Variants in RFX3 observed in about 807,000 individuals in gnomAD.
The protein encoded by RFX3 is regulatory factor X3.
Under a neutral mutation model 98.6 loss-of-function variants are expected in RFX3, and 14 were observed. The observed-to-expected ratio is 0.14, with a 90% CI of 0.09 to 0.22. The LOEUF is 0.22. Ranked by LOEUF, RFX3 falls within the 10% of genes least tolerant of loss-of-function variation. The pLI, the probability that RFX3 is intolerant of heterozygous loss-of-function variation, is 1.00. For synonymous variants in RFX3, 383 were observed against 328.4 expected (o/e 1.17, Z -1.80); for missense variants, 639 against 926.9 (o/e 0.69, Z 4.03).
At chr9:3,277,504 C>G in intron 7 of RFX3, 43 bp from the exon 8 acceptor site, 3 of 1,582,610 alleles carry the variant, frequency 1.9e-6, no homozygotes, top group Non-Finnish European at 2.6e-6. Flanking sequence ...CCAAATTATT[C>G]CTTGCTTTTT....
At chr9:3,504,957 T>A (rs1487270309) in intron 1 of RFX3, among the ~76,000 whole-genome samples, 6 of 58,992 alleles carry the variant, frequency 1.0e-4, no homozygotes, top group African/African-American at 5.0e-4. Context: ...ATAATATATA[T>A]TATATATAAT....
chr9:3,492,334 G>T (rs1481932510), intron 1 of RFX3, among the ~76,000 whole-genome samples: 1 of 152,148 alleles, frequency 6.6e-6, no homozygotes, highest in East Asian at 1.9e-4. Flanking sequence ...CATGTCAGAT[G>T]TCCCTTCCAG....
At chr9:3,278,912 G>T (rs1285189961) in intron 7 of RFX3, among the ~76,000 whole-genome samples, 1 of 151,760 alleles carries the variant, frequency 6.6e-6, no homozygotes, top group East Asian at 1.9e-4. Context: ...CAAAAAAATT[G>T]ATTGCTGTTT....
intron 1 of RFX3, among the ~76,000 whole-genome samples, chr9:3,490,836 C>A (rs1221001378): frequency 6.6e-6 from 1 of 151,932 alleles, no homozygotes; most frequent in East Asian, 1.9e-4. Flanking sequence ...AAAGAAAGAT[C>A]TTTTGTTCAA....
chr9:3,500,339 G>A (rs780375836), intron 1 of RFX3, among the ~76,000 whole-genome samples: 3 of 152,156 alleles, frequency 2.0e-5, no homozygotes, highest in Non-Finnish European at 2.9e-5. Context: ...GTGTTAGAAA[G>A]AGAACTGAAA....
At chr9:3,298,083 A>T (rs1351182209) in intron 5 of RFX3, among the ~76,000 whole-genome samples, 1 of 151,842 alleles carries the variant, frequency 6.6e-6, no homozygotes, top group African/African-American at 2.4e-5. Flanking sequence ...ATATAAAAAA[A>T]TTAGAAACAA....
intron 9 of RFX3, among the ~76,000 whole-genome samples, chr9:3,272,033 C>CT (rs1321731830): frequency 1.3e-5 from 2 of 151,868 alleles, no homozygotes; most frequent in Non-Finnish European, 2.9e-5. Flanking sequence ...GCATCTAAGA[C>CT]TTTTTTTTAT....
intron 1 of RFX3, among the ~76,000 whole-genome samples, chr9:3,522,725 A>T (rs548158091): frequency 2.8e-4 from 42 of 152,234 alleles, no homozygotes; most frequent in Admixed American, 1.6e-3. Context: ...TACCAACACA[A>T]TATCAACTTT....
intron 1 of RFX3, among the ~76,000 whole-genome samples, chr9:3,485,042 T>A (rs1294831273): frequency 1.3e-5 from 2 of 150,136 alleles, no homozygotes; most frequent in Non-Finnish European, 3.0e-5. Flanking sequence ...AGCCAGGGAG[T>A]TCAAGGCTTC....
intron 15 of RFX3, among the ~76,000 whole-genome samples, chr9:3,239,640 T>C (rs1167839486): frequency 6.6e-6 from 1 of 152,256 alleles, no homozygotes; most frequent in Non-Finnish European, 1.5e-5. Flanking sequence ...TTGGCCTTAG[T>C]TGCCTTTGAA....
intron 1 of RFX3, among the ~76,000 whole-genome samples, chr9:3,450,966 A>G (rs540683976): frequency 9.8e-5 from 15 of 152,322 alleles, no homozygotes; most frequent in South Asian, 4.1e-4. Context: ...TTGGTTTCCA[A>G]TACTATTTTC....
intron 1 of RFX3, among the ~76,000 whole-genome samples, chr9:3,457,858 C>T (rs564983922): frequency 3.3e-5 from 5 of 152,082 alleles, no homozygotes; most frequent in South Asian, 2.1e-4. Context: ...TCTATCTAGT[C>T]GCTGTCTTCA....
chr9:3,501,532 A>G (rs1352171982), intron 1 of RFX3, among the ~76,000 whole-genome samples: 1 of 151,858 alleles, frequency 6.6e-6, no homozygotes, highest in Non-Finnish European at 1.5e-5. Context: ...TGATATACAA[A>G]AAGATACATA....
chr9:3,256,809 C>G (rs557003454), intron 14 of RFX3, among the ~76,000 whole-genome samples, 182 bp downstream of exon 14: 1 of 152,260 alleles, frequency 6.6e-6, no homozygotes, highest in Admixed American at 6.5e-5. Flanking sequence ...TCTAAGTTTC[C>G]TGGTACATTT....
At chr9:3,505,038 A>C (rs1282549640) in intron 1 of RFX3, among the ~76,000 whole-genome samples, 1 of 90,584 alleles carries the variant, frequency 1.1e-5, no homozygotes, top group African/African-American at 4.5e-5. Context: ...ATAATATAAT[A>C]TATTTTATAT....
At chr9:3,247,089 G>A (rs757738766) in intron 15 of RFX3, 3 of 984,636 alleles carry the variant, frequency 3.0e-6, no homozygotes, top group East Asian at 1.1e-4. Flanking sequence ...GCTTAAAAGT[G>A]AACATGTCTT....
At chr9:3,424,432 A>C (rs370152082) in intron 1 of RFX3, among the ~76,000 whole-genome samples, 1 of 119,834 alleles carries the variant, frequency 8.3e-6, no homozygotes, top group Admixed American at 1.1e-4. Context: ...CGCGATCTCG[A>C]CTCACTGCAA....
intron 6 of RFX3, among the ~76,000 whole-genome samples, chr9:3,288,509 T>G (rs1826930601): frequency 6.6e-6 from 1 of 152,082 alleles, no homozygotes; most frequent in Non-Finnish European, 1.5e-5. Context: ...TAAATATTAG[T>G]CAAACAGTCC....
At chr9:3,340,555 A>T (rs1267865977) in intron 3 of RFX3, among the ~76,000 whole-genome samples, 2 of 152,210 alleles carry the variant, frequency 1.3e-5, no homozygotes, top group Non-Finnish European at 2.9e-5. Flanking sequence ...ACAAATTTAC[A>T]AGAAAAAAAC....
Sources: gnomAD v4.1 joint callset for allele counts (sites outside exome capture counted in the v4.1 genomes callset) on GRCh38, gnomAD v4.1.1 for gene constraint, MANE v1.5 for transcripts, NCBI Gene and HGNC (gene_info 2026-07-23, HGNC 2026-07-21) for gene names.